SINHCAF: variants seen among roughly 807,000 people sequenced by gnomAD.
SINHCAF encodes the protein SIN3-HDAC complex associated factor, also known as SIN3-HDAC complex-associated factor.
SINHCAF carries 3 observed loss-of-function variants against 25.8 expected under a neutral mutation model. That is an observed-to-expected ratio of 0.12 (90% CI 0.05 to 0.30). SINHCAF has a LOEUF of 0.30. Among genes scored for constraint, SINHCAF ranks in the 10% least tolerant of loss-of-function variants. SINHCAF has a pLI of 1.00. For synonymous variants in SINHCAF, 70 were observed against 85.5 expected (o/e 0.82, Z 1.00); for missense variants, 121 against 262.3 (o/e 0.46, Z 3.72).
In SINHCAF at chr12:31,284,546, T is replaced by A. The variant is rs972098963; in HGVS notation, c.507-1675A>T. The stretch of plus-strand genomic sequence containing the variant: ...TTTTAAATGCTTAAGTACTCTGTCA[T>A]AAAAAAATCCTTTCCCACTCAAAAG... On this transcript the variant is annotated intron_variant, in intron 5 of 5. Coordinates refer to ENST00000337682, the MANE Select transcript of SINHCAF (RefSeq NM_001135812.2). Among the ~76,000 whole-genome samples, 4 of 152,152 alleles carry A rather than the reference T, an allele frequency of 2.6e-5. No individual in the cohort carries two copies. In the South Asian group the frequency reaches 8.3e-4, roughly 32 times the overall value.
chr12:31,282,935 T>C, intron 5 of SINHCAF, 64 bp from the exon 6 acceptor site: 1 of 1,286,568 alleles, frequency 7.8e-7, no homozygotes, highest in South Asian at 1.5e-5. Flanking sequence ...ACAAAAGAAA[T>C]CTACTCACTA....
At chr12:31,292,754 T>C (rs1592961891) in intron 4 of SINHCAF, among the ~76,000 whole-genome samples, 1 of 152,316 alleles carries the variant, frequency 6.6e-6, no homozygotes, top group East Asian at 1.9e-4. Flanking sequence ...GTAAAGTGCT[T>C]AGTATACCAA....
chr12:31,321,981 C>G (rs187847804), intron 1 of SINHCAF, among the ~76,000 whole-genome samples: 1 of 151,160 alleles, frequency 6.6e-6, no homozygotes, highest in Admixed American at 6.6e-5. Context: ...GACTTGATAA[C>G]CACTCTGGGG....
intron 5 of SINHCAF, among the ~76,000 whole-genome samples, chr12:31,286,662 C>CAAAAAAAAAAA (rs999169211): frequency 1.8e-5 from 1 of 55,218 alleles, no homozygotes; most frequent in African/African-American, 6.0e-5. Flanking sequence ...AACTCCGTCT[C>CAAAAAAAAAAA]AAAAAAAAAA....
chr12:31,313,173 CG>C (rs1240953707), intron 1 of SINHCAF, among the ~76,000 whole-genome samples: 1 of 152,096 alleles, frequency 6.6e-6, no homozygotes, highest in Admixed American at 6.5e-5. Context: ...TACAGGTACC[CG>C]CCACCACGCC....
chr12:31,304,119 C>CAAAAAAAAAAAAAAAAAAAAAAAAAA (rs761861557), intron 1 of SINHCAF: 1 of 125,996 alleles, frequency 7.9e-6, no homozygotes, highest in African/African-American at 3.1e-5. Flanking sequence ...GACTCTCCCT[C>CAAAAAAAAAAAAAAAAAAAAAAAAAA]AAAAAAAAAA....
At chr12:31,313,032 CT>C (rs1052277138) in intron 1 of SINHCAF, among the ~76,000 whole-genome samples, 2 of 151,352 alleles carry the variant, frequency 1.3e-5, no homozygotes, top group African/African-American at 2.4e-5. Context: ...TCACTCTTTT[CT>C]TTTTTTTTGA....
At chr12:31,301,113 G>T (rs910628836) in intron 1 of SINHCAF, among the ~76,000 whole-genome samples, 1 of 152,174 alleles carries the variant, frequency 6.6e-6, no homozygotes, top group Non-Finnish European at 1.5e-5. Context: ...CATAGTTTGT[G>T]CCAGTTACCA....
rs115873357 is a variant in SINHCAF, at chr12:31,307,269, C to T, written c.-20-9045G>A. Among the ~76,000 whole-genome samples, 410 of 152,254 alleles carry T rather than the reference C, an allele frequency of 2.7e-3. 2 individuals are homozygous for T. Among genetic ancestry groups the T allele is most frequent in the African/African-American group, 9.2e-3 (384 of 41,538 alleles). ...GGTAGAGGCAAACAAATACTAACTA[C>T]CTGGATGTATAGGGATGCTTAAAAA... is the stretch of plus-strand genomic sequence containing the variant. On this transcript the variant is annotated intron_variant, in intron 1 of 5. Coordinates refer to ENST00000337682, the MANE Select transcript of SINHCAF (RefSeq NM_001135812.2).
intron 4 of SINHCAF, among the ~76,000 whole-genome samples, chr12:31,291,478 A>G (rs1938314121): frequency 6.6e-6 from 1 of 152,046 alleles, no homozygotes; most frequent in Non-Finnish European, 1.5e-5. Flanking sequence ...AAAAGGGAAT[A>G]CAGGGCTGGG....
intron 1 of SINHCAF, chr12:31,303,779 A>C (rs1938903753): frequency 6.6e-6 from 1 of 152,208 alleles, no homozygotes; most frequent in African/African-American, 2.4e-5. Context: ...TGCCTCCCTC[A>C]AACCTTGTTA....
chr12:31,303,466 G>C (rs1447870194), intron 1 of SINHCAF: 2 of 152,714 alleles, frequency 1.3e-5, no homozygotes, highest in African/African-American at 4.8e-5. Flanking sequence ...TACCATAATG[G>C]GCGGGGAGGG....
intron 4 of SINHCAF, among the ~76,000 whole-genome samples, 162 bp from the exon 5 acceptor site, chr12:31,287,946 C>T (rs1449559335): frequency 2.0e-5 from 3 of 152,102 alleles, no homozygotes; most frequent in South Asian, 2.1e-4. Context: ...TTCAGACTAA[C>T]GTGTTTTTTA....
At chr12:31,300,360 G>GA (rs1938737382) in intron 1 of SINHCAF, among the ~76,000 whole-genome samples, 1 of 152,182 alleles carries the variant, frequency 6.6e-6, no homozygotes, top group South Asian at 2.1e-4. Flanking sequence ...AGGCAAAAGA[G>GA]TGGGATGGGG....
At chr12:31,317,025 C>T (rs1417459470) in intron 1 of SINHCAF, among the ~76,000 whole-genome samples, 1 of 152,194 alleles carries the variant, frequency 6.6e-6, no homozygotes, top group East Asian at 1.9e-4. Flanking sequence ...CCCAATTCCA[C>T]TTTCTAGATT....
At chr12:31,320,096 C>T (rs923135976) in intron 1 of SINHCAF, among the ~76,000 whole-genome samples, 12 of 152,328 alleles carry the variant, frequency 7.9e-5, no homozygotes, top group Admixed American at 7.8e-4. Flanking sequence ...TAACTGACTT[C>T]CCTACATCCT....
chr12:31,305,859 C>G (rs1939003882), intron 1 of SINHCAF, among the ~76,000 whole-genome samples: 1 of 152,080 alleles, frequency 6.6e-6, no homozygotes, highest in South Asian at 2.1e-4. Flanking sequence ...GCCACGATGC[C>G]CGGCTAATTT....
intron 1 of SINHCAF, chr12:31,303,660 A>G (rs1434007339): frequency 6.6e-6 from 1 of 152,158 alleles, no homozygotes; most frequent in African/African-American, 2.4e-5. Flanking sequence ...TATAAATACC[A>G]TGAGTAATTT....
intron 1 of SINHCAF, among the ~76,000 whole-genome samples, chr12:31,312,717 G>C (rs1253703250): frequency 6.6e-6 from 1 of 152,140 alleles, no homozygotes; most frequent in African/African-American, 2.4e-5. Context: ...TCTGTTCACT[G>C]TTACTCATTT....
Sources: gnomAD v4.1 joint callset for allele counts (sites outside exome capture counted in the v4.1 genomes callset) on GRCh38, gnomAD v4.1.1 for gene constraint, MANE v1.5 for transcripts, NCBI Gene and HGNC (gene_info 2026-07-23, HGNC 2026-07-21) for gene names.